COX19: variants seen among roughly 807,000 people sequenced by gnomAD.
COX19 encodes cytochrome c oxidase assembly factor COX19.
Under a neutral mutation model 6.8 loss-of-function variants are expected in COX19, and 8 were observed. That is an observed-to-expected ratio of 1.18 (90% confidence interval 0.69 to 2.12). The LOEUF is 2.12. Among genes scored for constraint, COX19 ranks in the 30% most tolerant of loss-of-function variants. The probability of loss-of-function intolerance (pLI) is 0.00; values close to 1 mark genes in which losing one functional copy is unlikely to be tolerated. For synonymous variants in COX19, 51 were observed against 38.0 expected, an observed-to-expected ratio of 1.34 and a Z score of -1.26; for missense variants, 131 against 104.6, an observed-to-expected ratio of 1.25 and a Z score of -1.10.
intron 1 of COX19, among the ~76,000 whole-genome samples, 177 bp from the exon 2 acceptor site, chr7:973,469 G>A (rs1340484070): frequency 6.6e-6 from 1 of 152,132 alleles, no homozygotes; most frequent in Non-Finnish European, 1.5e-5. Flanking sequence ...AGGAGTTTGA[G>A]ACCAGCCTGG....
chr7:973,283 T>C lies in COX19; in HGVS notation c.92A>G (p.Lys31Arg). The C allele has an allele frequency of 6.3e-7, 1 of 1,591,652 alleles. No homozygotes were observed. Among genetic ancestry groups the C allele is most frequent in the Non-Finnish European group, 8.5e-7 (1 of 1,171,106 alleles). Reference protein sequence around the residue: ...SFPLDHLGECKSFKEKFMKCL... With the variant: ...SFPLDHLGECRSFKEKFMKCL... ...CTTCATGAATTTCTCTTTAAAGCTT[T>C]TACATTCACCTAGAACGAGAAAGAA... Residue 31 changes from lysine to arginine, a missense_variant, in exon 2 of 3, where the codon AAA becomes AGA. Lys to Arg is a conservative substitution (Grantham distance 26). Transcript: ENST00000344111.
intron 1 of COX19, among the ~76,000 whole-genome samples, chr7:974,133 G>A (rs1847671351): frequency 6.8e-6 from 1 of 147,676 alleles, no homozygotes; most frequent in Non-Finnish European, 1.5e-5. Flanking sequence ...GGAGGAGGAG[G>A]TTGCAGTGAG....
rs759646513 is a variant in COX19, at chr7:973,245, T to C, written c.130A>G (p.Asn44Asp). 1.5e-5 allele frequency: 24 copies of C among 1,603,322 alleles called. No individual in the cohort carries two copies. The highest frequency in any genetic ancestry group is 4.5e-5 in the South Asian group (4 of 88,510). ...CTGCACAAAGCATTTTCAAAATTAT[T>C]GTTATGAAGACACTTCATGAATTTC... Reference protein sequence around the residue: ...KEKFMKCLHNNNFENALCRKE... With the variant: ...KEKFMKCLHNDNFENALCRKE... Residue 44 changes from asparagine (N) to aspartate (D), a missense_variant, in exon 2 of 3, where the codon AAT (asparagine) becomes GAT (aspartate). Physicochemically the swap from Asn to Asp is conservative, Grantham distance 23. Transcript: ENST00000344111.
At chr7:973,336 G>A (rs2128117480) in intron 1 of COX19, 44 bp from the exon 2 acceptor site, 1 of 1,527,998 alleles carries the variant, frequency 6.5e-7, no homozygotes, top group South Asian at 1.3e-5. Context: ...AGAGTGAAAA[G>A]TGATGCAACC....
rs182583538 is a variant in COX19 at position 970,560 on chromosome 7, C to A, written c.195-1104G>T. Among the ~76,000 whole-genome samples, 498 of 151,488 alleles carry A rather than the reference C, an allele frequency of 3.3e-3. 4 individuals are homozygous for A. The highest frequency in any genetic ancestry group is 0.012 in the African/African-American group (478 of 41,200). ...CGGGTTCAGGCAATTCTCCCTGCCT[C>A]AGCCTCCCAAGTAGCTGGGATTACA... is the stretch of plus-strand genomic sequence containing the variant. On this transcript the variant is annotated intron_variant, in intron 2 of 2. Transcript: ENST00000344111.
intron 2 of COX19, among the ~76,000 whole-genome samples, chr7:970,466 G>A (rs561553539): frequency 3.2e-4 from 40 of 126,056 alleles, no homozygotes; most frequent in African/African-American, 1.2e-3. Flanking sequence ...TTTTTGAGAC[G>A]GAGTCCTACT....
rs1847593952 is a variant in COX19 at position 968,734 on chromosome 7, C to A, written c.*644G>T. On this transcript the variant is annotated 3_prime_UTR_variant, in exon 3 of 3. Coordinates refer to ENST00000344111, the MANE Select transcript of COX19 (RefSeq NM_001031617.3). ...GCCTAACTGCAAATGGACTCAGGTT[C>A]TTTTTCTGTTAAAATACAGGAGTTA... 1 of 152,230 alleles carries A rather than the reference C, an allele frequency of 6.6e-6. No individual in the cohort carries two copies. Among genetic ancestry groups the A allele is most frequent in the Non-Finnish European group, 1.5e-5 (1 of 68,046 alleles). The allele number at this position is 152,230 out of a possible 1,614,324, so 9.4% of individuals were successfully genotyped here.
In COX19 at chr7:969,404, T is replaced by G; in HGVS notation, c.247A>C (p.Ser83Arg). ...LEKLGFGDLT[S>R]GKSEAKK ...CATTTTTTTGCCTCTGATTTTCCAC[T>G]AGTCAAGTCTCCAAATCCCAGTTTC... Residue 83 changes from serine (S) to arginine (R), a missense_variant, in exon 3 of 3, where the codon AGT becomes CGT. By Grantham distance (110) the Ser-to-Arg change is moderately radical. Transcript: ENST00000344111. The G allele has an allele frequency of 6.2e-7, 1 of 1,611,106 alleles. No individual in the cohort carries two copies. The highest frequency in any genetic ancestry group is 8.5e-7 in the Non-Finnish European group (1 of 1,177,308).
intron 1 of COX19, among the ~76,000 whole-genome samples, chr7:974,315 T>C (rs1181548263): frequency 6.7e-6 from 1 of 149,690 alleles, no homozygotes; most frequent in Non-Finnish European, 1.5e-5. Flanking sequence ...CCAGCTACTC[T>C]AGAGGATGAG....
At chr7:974,812 C>T (rs1847682200) in intron 1 of COX19, 1 of 152,246 alleles carries the variant, frequency 6.6e-6, no homozygotes, top group African/African-American at 2.4e-5. Context: ...CGAGCCACAT[C>T]ACACCCAACT....
chr7:975,492 A>C lies in COX19; in HGVS notation c.18T>G (p.Asn6Lys). Residue 6 changes from asparagine (N) to lysine (K), a missense_variant, in exon 1 of 3, where the codon AAT becomes AAG. Transcript: ENST00000344111. ...GCGGCTGGAAGCTCTTGGTCCCGAAATTCATGGCGGTCGACATGTTGGCGA... is the reference window on the plus strand; with the variant it reads ...GCGGCTGGAAGCTCTTGGTCCCGAACTTCATGGCGGTCGACATGTTGGCGA... MSTAM[N>K]FGTKSFQPRP... 6.2e-7 allele frequency: 1 copy of C among 1,603,626 alleles called. No homozygotes were observed. The highest frequency in any genetic ancestry group is 8.5e-7 in the Non-Finnish European group (1 of 1,176,388).
intron 2 of COX19, among the ~76,000 whole-genome samples, chr7:969,979 T>A (rs1583202804): frequency 7.9e-6 from 1 of 126,482 alleles, no homozygotes. Flanking sequence ...TTTTTTTTTT[T>A]AAGAGACAGG....
chr7:966,320 ACTTTT>A lies in COX19; in HGVS notation c.*3053_*3057del, dbSNP rs1443286377. ...AGGCGGGTGACACCACGCACGGCTG[ACTTTT>A]CTTGTTTTGTAGAGACAGGGTTTCA... On this transcript the variant is annotated 3_prime_UTR_variant, in exon 3 of 3. Coordinates refer to ENST00000344111, the MANE Select transcript of COX19 (RefSeq NM_001031617.3). The A allele has an allele frequency of 5.9e-5, 9 of 151,574 alleles. No individual in the cohort carries two copies. The highest frequency in any genetic ancestry group is 1.2e-4 in the Non-Finnish European group (8 of 67,922). The allele number at this position is 151,574 out of a possible 1,614,324, so 9.4% of individuals were successfully genotyped here.
rs1035719876 is a variant in COX19, at chr7:968,751, C to G, written c.*627G>C. On this transcript the variant is annotated 3_prime_UTR_variant, in exon 3 of 3. Coordinates refer to ENST00000344111, the MANE Select transcript of COX19 (RefSeq NM_001031617.3). ...CTCAGGTTCTTTTTCTGTTAAAATA[C>G]AGGAGTTACTGAAATTAAATACCCA... 1.3e-5 allele frequency: 2 copies of G among 152,250 alleles called. No homozygotes were observed. The highest frequency in any genetic ancestry group is 4.8e-5 in the African/African-American group (2 of 41,460). The allele number at this position is 152,250 out of a possible 1,614,324, so 9.4% of individuals were successfully genotyped here.
At chr7:972,057 C>T (rs1847644026) in intron 2 of COX19, among the ~76,000 whole-genome samples, 1 of 152,178 alleles carries the variant, frequency 6.6e-6, no homozygotes, top group Non-Finnish European at 1.5e-5. Context: ...TGCTCACACC[C>T]TCACATGAAC....
intron 2 of COX19, among the ~76,000 whole-genome samples, chr7:972,320 C>T (rs1270443568): frequency 1.3e-5 from 2 of 152,184 alleles, no homozygotes; most frequent in Admixed American, 6.5e-5. Context: ...TGAGAAGGCC[C>T]ATCATCCTTA....
Position 969,189 on chromosome 7 carries a change from G to T in COX19, c.*189C>A. The T allele has an allele frequency of 1.7e-6, 1 of 602,214 alleles. No individual in the cohort carries two copies. Among genetic ancestry groups the T allele is most frequent in the Non-Finnish European group, 3.0e-6 (1 of 338,276 alleles). 37.3% of individuals were successfully genotyped at this position (602,214 alleles called of 1,614,324 possible). A position where few individuals can be genotyped will look rare whatever the true frequency, so the allele number is the denominator to read the frequency against. ...CCGTCCCACTCAGGGGTTCAATGCA[G>T]AAACACCCTCCTAAGGGAAAACGGG... On this transcript the variant is annotated 3_prime_UTR_variant, in exon 3 of 3. Transcript: ENST00000344111.
At chr7:971,765 G>A (rs1847639160) in intron 2 of COX19, among the ~76,000 whole-genome samples, 1 of 152,204 alleles carries the variant, frequency 6.6e-6, no homozygotes, top group South Asian at 2.1e-4. Flanking sequence ...CAGCTACTCG[G>A]GAGGCTGAGG....
chr7:970,041 G>C (rs1466004808), intron 2 of COX19, among the ~76,000 whole-genome samples: 1 of 147,904 alleles, frequency 6.8e-6, no homozygotes, highest in African/African-American at 2.5e-5. Flanking sequence ...AGCGGTTCAA[G>C]TTCACTGCAG....
Sources: allele counts gnomAD v4.1 joint callset (sites outside exome capture counted in the v4.1 genomes callset), GRCh38; gene constraint gnomAD v4.1.1; transcripts MANE v1.5; gene names NCBI Gene and HGNC (gene_info 2026-07-23, HGNC 2026-07-21).